Variants in CASR observed in about 807,000 individuals in gnomAD.
CASR encodes the protein extracellular calcium-sensing receptor.
A neutral mutation model predicts 69.1 loss-of-function variants in CASR; 23 were observed. The ratio of observed to expected loss-of-function variants is 0.33; its 90% confidence interval spans 0.24 to 0.47. The LOEUF (loss-of-function observed/expected upper bound fraction) is 0.47, where lower values mean the gene tolerates loss of function less well. Among genes scored for constraint, CASR ranks in the 20% least tolerant of loss-of-function variants. The probability of loss-of-function intolerance (pLI) is 1.00; values close to 1 mark genes in which losing one functional copy is unlikely to be tolerated. For synonymous variants in CASR, 541 were observed against 544.7 expected, an observed-to-expected ratio of 0.99 and a Z score of 0.10; for missense variants, 924 against 1,356.1, an observed-to-expected ratio of 0.68 and a Z score of 5.00.
At chr3:122,185,973 A>G (rs1243821068) in intron 1 of CASR, among the ~76,000 whole-genome samples, 1 of 97,202 alleles carries the variant, frequency 1.0e-5, no homozygotes, top group East Asian at 2.1e-4. Flanking sequence ...CACACATGCG[A>G]GTTACTTCCT....
chr3:122,223,491 G>A (rs575968627), intron 1 of CASR, among the ~76,000 whole-genome samples: 1 of 152,084 alleles, frequency 6.6e-6, no homozygotes, highest in Non-Finnish European at 1.5e-5. Context: ...TCTCAAGATT[G>A]AAACAGGAAA....
chr3:122,257,087 T>C lies in CASR; in HGVS notation c.192T>C (p.Asn64=). The C allele has an allele frequency of 6.2e-7, 1 of 1,614,052 alleles. No individual in the cohort carries two copies. The highest frequency in any genetic ancestry group is 8.5e-7 in the Non-Finnish European group (1 of 1,179,908). Residue 64 remains asparagine, a synonymous_variant, in exon 3 of 7, where the codon AAT becomes AAC. Transcript: ENST00000639785. ...RPESVECIRY[N]FRGFRWLQAM... ...CACTTCTTCTTTCTTCCAGGTATAA[T>C]TTCCGTGGGTTTCGCTGGTTACAGG...
intron 3 of CASR, among the ~76,000 whole-genome samples, chr3:122,259,775 G>A (rs967924750): frequency 9.9e-5 from 15 of 151,982 alleles, no homozygotes; most frequent in Admixed American, 3.3e-4. Context: ...GACTACAGGC[G>A]CCCGCCACCA....
intron 1 of CASR, among the ~76,000 whole-genome samples, chr3:122,196,894 A>G (rs1241092488): frequency 6.6e-6 from 1 of 152,218 alleles, no homozygotes; most frequent in Non-Finnish European, 1.5e-5. Flanking sequence ...AATATTGTGA[A>G]ATGATTACTA....
At chr3:122,274,112 T>C (rs181286033) in intron 4 of CASR, among the ~76,000 whole-genome samples, 57 of 152,306 alleles carry the variant, frequency 3.7e-4, no homozygotes, top group Non-Finnish European at 7.4e-4. Flanking sequence ...TCCATCTTTT[T>C]TGAGGATGGC....
At chr3:122,272,496 G>C (rs1484813050) in intron 4 of CASR, among the ~76,000 whole-genome samples, 1 of 152,034 alleles carries the variant, frequency 6.6e-6, no homozygotes, top group Non-Finnish European at 1.5e-5. Flanking sequence ...TCTGTCCTTT[G>C]CCAGCCAAAA....
At chr3:122,214,240 CTTTAA>C (rs1272469140) in intron 1 of CASR, among the ~76,000 whole-genome samples, 4 of 144,832 alleles carry the variant, frequency 2.8e-5, no homozygotes, top group Non-Finnish European at 5.9e-5. Context: ...TCATTAAAGA[CTTTAA>C]TTTATGCTGT....
Position 122,262,248 on chromosome 3 carries a change from G to A in CASR, c.1213G>A (p.Glu405Lys), listed in dbSNP as rs868784672. The change falls in exon 4 of 7, where the codon GAG (glutamate) becomes AAG (lysine). Residue 405 changes from glutamate (E) to lysine (K), a missense_variant. By Grantham distance (56) the Glu-to-Lys change is moderately conservative (BLOSUM62 1). Around this residue, in one of 8 missense-constraint regions of CASR, gnomAD observed 310 missense variants for 395.7 expected, o/e 0.78. Coordinates refer to ENST00000639785, the MANE Select transcript of CASR (RefSeq NM_000388.4). ...CTGDENISSV[E>K]TPYIDYTHLR... The stretch of plus-strand genomic sequence containing the variant: ...AGGGGATGAGAACATCAGCAGTGTC[G>A]AGACCCCTTACATAGATTACACGCA... 6 of 1,614,002 alleles carry A rather than the reference G, an allele frequency of 3.7e-6. No individual in the cohort carries two copies. Among genetic ancestry groups the A allele is most frequent in the Non-Finnish European group, 5.1e-6 (6 of 1,180,016 alleles).
chr3:122,265,145 T>G lies in CASR; in HGVS notation c.1377+2733T>G, dbSNP rs1349364017. 5.9e-5 allele frequency among the ~76,000 whole-genome samples: 9 copies of G among 152,352 alleles called. No homozygotes were observed. The East Asian group carries it at 1.5e-3, about 26-fold the overall frequency. ...CCCCTGGAAGTCTTTTCAAATCGTA[T>G]TCCCACAACACATTTTCTGATCATT... On this transcript the variant is annotated intron_variant, in intron 4 of 6. Transcript: ENST00000639785.
chr3:122,187,041 T>A (rs1300908172), intron 1 of CASR, among the ~76,000 whole-genome samples: 2 of 152,256 alleles, frequency 1.3e-5, no homozygotes, highest in Non-Finnish European at 2.9e-5. Context: ...CTTATCCACT[T>A]ATTTTATTGT....
At chr3:122,236,491 A>C (rs1355653862) in intron 1 of CASR, among the ~76,000 whole-genome samples, 2 of 152,224 alleles carry the variant, frequency 1.3e-5, no homozygotes, top group East Asian at 3.8e-4. Context: ...GGGGAGGCAT[A>C]GTTCTTCAAA....
At chr3:122,283,585 T>G (rs1392715709) in intron 6 of CASR, 102 bp from the exon 7 acceptor site, 8 of 896,392 alleles carry the variant, frequency 8.9e-6, no homozygotes, top group Admixed American at 1.8e-5. Flanking sequence ...AAATATGTAG[T>G]GACCACATCC....
At chr3:122,235,651 G>T (rs1343627747) in intron 1 of CASR, among the ~76,000 whole-genome samples, 1 of 152,118 alleles carries the variant, frequency 6.6e-6, no homozygotes, top group South Asian at 2.1e-4. Context: ...TTAAAAAATA[G>T]CCTGGGGTAG....
At chr3:122,249,613 A>T (rs1207092338) in intron 1 of CASR, among the ~76,000 whole-genome samples, 1 of 152,236 alleles carries the variant, frequency 6.6e-6, no homozygotes, top group Non-Finnish European at 1.5e-5. Context: ...CCTTCTAAAC[A>T]TAAAACCACC....
intron 4 of CASR, among the ~76,000 whole-genome samples, chr3:122,268,766 G>A (rs1652166656): frequency 6.6e-6 from 1 of 152,198 alleles, no homozygotes; most frequent in Non-Finnish European, 1.5e-5. Flanking sequence ...TAACTCCTGA[G>A]AGGACAGTGG....
In CASR at chr3:122,285,089, G is replaced by C. The variant is rs765519865; in HGVS notation, c.3135G>C (p.Glu1045Asp). 2 of 1,614,112 alleles carry C rather than the reference G, an allele frequency of 1.2e-6. No homozygotes were observed. Among genetic ancestry groups the C allele is most frequent in the Admixed American group, 3.3e-5 (2 of 60,012 alleles). The change falls in exon 7 of 7, where the codon GAG (glutamate) becomes GAC (aspartate). Residue 1045 changes from glutamate to aspartate, a missense_variant. Physicochemically the swap from Glu to Asp is conservative, Grantham distance 45 (BLOSUM62 2). This residue lies in a region of CASR where 201 missense variants were observed against 228.8 expected (regional missense o/e 0.88). Transcript: ENST00000639785. ...PVGGDQRPEV[E>D]DPEELSPALV... ...GTGGAGACCAGCGGCCAGAGGTGGA[G>C]GACCCTGAAGAGTTGTCCCCAGCAC...
intron 1 of CASR, among the ~76,000 whole-genome samples, chr3:122,232,179 A>G (rs139196564): frequency 6.6e-6 from 1 of 152,282 alleles, no homozygotes; most frequent in East Asian, 1.9e-4. Flanking sequence ...AAAGAATTCT[A>G]GTGATAGAAC....
intron 1 of CASR, among the ~76,000 whole-genome samples, chr3:122,248,382 CA>C (rs11354270): frequency 0.15 from 22,777 of 152,090 alleles, 1,790 homozygotes; most frequent in Non-Finnish European, 0.16. Context: ...TAAACTTTTT[CA>C]GGTTTATTTT....
chr3:122,227,564 C>T (rs1438343291), intron 1 of CASR, among the ~76,000 whole-genome samples: 2 of 152,096 alleles, frequency 1.3e-5, no homozygotes, highest in Non-Finnish European at 2.9e-5. Context: ...TCTCCCTCCA[C>T]ACCTCCCTGC....
Sources: allele counts gnomAD v4.1 joint callset (sites outside exome capture counted in the v4.1 genomes callset), GRCh38; gene constraint gnomAD v4.1.1; regional missense constraint gnomAD v4.1.1; transcripts MANE v1.5; gene names NCBI Gene and HGNC (gene_info 2026-07-23, HGNC 2026-07-21).